The following KIF26B variants were observed in gnomAD, a reference collection of about 807,000 sequenced individuals.
KIF26B encodes kinesin-like protein KIF26B.
KIF26B carries 63 observed loss-of-function variants against 151.2 expected under a neutral mutation model. That is an observed-to-expected ratio of 0.42 (90% CI 0.34 to 0.51). The LOEUF (loss-of-function observed/expected upper bound fraction) is 0.51, where lower values mean the gene tolerates loss of function less well. Ranked by LOEUF, KIF26B falls within the 20% of genes least tolerant of loss-of-function variation. The pLI is 0.07. For synonymous variants in KIF26B, 1,357 were observed against 1,262.1 expected (o/e 1.08, Z -1.59); for missense variants, 2,813 against 2,913.6 (o/e 0.97, Z 0.79).
intron 2 of KIF26B, among the ~76,000 whole-genome samples, chr1:245,255,562 C>T (rs138333591): frequency 1.1e-4 from 16 of 152,144 alleles, no homozygotes; most frequent in African/African-American, 2.9e-4. Flanking sequence ...TTGCTTGGTA[C>T]GATTACACAG....
intron 5 of KIF26B, among the ~76,000 whole-genome samples, chr1:245,594,792 T>A (rs1715796): frequency 0.61 from 92,845 of 152,060 alleles, 28,772 homozygotes; most frequent in East Asian, 0.71. Context: ...GTTTCTTCCT[T>A]TCCATAAGCA....
chr1:245,457,725 T>C (rs1220383523), intron 4 of KIF26B, among the ~76,000 whole-genome samples: 1 of 152,238 alleles, frequency 6.6e-6, no homozygotes, highest in East Asian at 1.9e-4. Flanking sequence ...TCTTTTCTCA[T>C]TCAATATTAT....
intron 4 of KIF26B, among the ~76,000 whole-genome samples, chr1:245,439,346 CAAAAAAA>C (rs777808376): frequency 1.5e-5 from 2 of 131,722 alleles, no homozygotes; most frequent in African/African-American, 2.9e-5. Flanking sequence ...GACCCTGTCT[CAAAAAAA>C]AAAAAAAAAA....
chr1:245,383,340 G>C (rs1251081223), intron 3 of KIF26B, among the ~76,000 whole-genome samples: 1 of 152,120 alleles, frequency 6.6e-6, no homozygotes, highest in Non-Finnish European at 1.5e-5. Flanking sequence ...TCTGAACACG[G>C]TATCCGTGTG....
chr1:245,310,008 A>G (rs1671636330), intron 2 of KIF26B, among the ~76,000 whole-genome samples: 1 of 147,724 alleles, frequency 6.8e-6, no homozygotes, highest in Non-Finnish European at 1.5e-5. Context: ...CAAACACTCC[A>G]TATGCAAAGA....
At chr1:245,681,020 T>C (rs2044428764) in intron 10 of KIF26B, among the ~76,000 whole-genome samples, 1 of 152,118 alleles carries the variant, frequency 6.6e-6, no homozygotes, top group South Asian at 2.1e-4. Context: ...AGGAAGGCTG[T>C]GATGTGCCTT....
At chr1:245,423,617 G>A (rs1448505414) in intron 4 of KIF26B, among the ~76,000 whole-genome samples, 5 of 152,116 alleles carry the variant, frequency 3.3e-5, no homozygotes, top group Non-Finnish European at 7.4e-5. Flanking sequence ...ATTTGTTGAA[G>A]ATTTGAAGCA....
intron 3 of KIF26B, among the ~76,000 whole-genome samples, chr1:245,374,983 C>T (rs581232): frequency 0.46 from 69,608 of 152,002 alleles, 16,723 homozygotes; most frequent in Admixed American, 0.54. Flanking sequence ...ACGATGCCCA[C>T]ACCCTAATCC....
intron 10 of KIF26B, among the ~76,000 whole-genome samples, chr1:245,651,516 G>A (rs186809600): frequency 5.8e-4 from 86 of 148,618 alleles, no homozygotes; most frequent in African/African-American, 2.0e-3. Context: ...CTCAGAACTG[G>A]AAACCCAGTA....
rs534317559 is a variant in KIF26B, at chr1:245,345,148, A to T, written c.466-21686A>T. ...CATATTTGAATGTCATGTTTGGGCC[A>T]TAGGCGCAAGTGAGGAGATGCTCAC... On this transcript the variant is annotated intron_variant, in intron 2 of 14. Transcript: ENST00000407071. Among the ~76,000 whole-genome samples the T allele has an allele frequency of 3.3e-5, 5 of 152,312 alleles. 1 individual carries two copies. The highest frequency in any genetic ancestry group is 1.2e-4 in the African/African-American group (5 of 41,582).
intron 2 of KIF26B, among the ~76,000 whole-genome samples, chr1:245,365,855 A>G (rs73133001): frequency 0.034 from 5,196 of 152,092 alleles, 269 homozygotes; most frequent in African/African-American, 0.11. Context: ...TCACTGCAGA[A>G]CTCCAAGGTC....
At chr1:245,646,349 T>TCTGTGGAGAGGTGTGCCAC (rs1445725438) in intron 10 of KIF26B, 69 bp downstream of exon 10, 2 of 1,532,640 alleles carry the variant, frequency 1.3e-6, no homozygotes, top group African/African-American at 1.4e-5. Flanking sequence ...TTCAGTGCCA[T>TCTGTGGAGAGGTGTGCCAC]CTGTGGAGAG....
At position 245,516,005 on chromosome 1, in the gene KIF26B, G is replaced by A. The variant is rs991896277; in HGVS notation, c.1167-24762G>A. On this transcript the variant is annotated intron_variant, in intron 4 of 14. Transcript: ENST00000407071. The surrounding 1 kb of genome is among the most constrained non-coding windows in gnomAD (Gnocchi z 4.2). ...GCATCTGACAAAGCTGGGTTTGGAC[G>A]ATAGCCTCATACTTGGGTTTCTGTT... Among the ~76,000 whole-genome samples the A allele has an allele frequency of 1.6e-4, 25 of 152,132 alleles. No homozygotes were observed. Among genetic ancestry groups the A allele is most frequent in the African/African-American group, 5.8e-4 (24 of 41,430 alleles).
At chr1:245,438,507 C>T (rs1440783210) in intron 4 of KIF26B, among the ~76,000 whole-genome samples, 1 of 152,144 alleles carries the variant, frequency 6.6e-6, no homozygotes, top group Non-Finnish European at 1.5e-5. Flanking sequence ...TGAGTTTTCA[C>T]TCTTATACCA....
intron 5 of KIF26B, among the ~76,000 whole-genome samples, chr1:245,598,584 T>C (rs549040486): frequency 6.6e-6 from 1 of 152,222 alleles, no homozygotes; most frequent in East Asian, 1.9e-4. Flanking sequence ...CTGCTCCTCC[T>C]CAGCCTCCAG....
chr1:245,562,371 C>T (rs943789785), intron 5 of KIF26B, among the ~76,000 whole-genome samples: 1 of 152,118 alleles, frequency 6.6e-6, no homozygotes, highest in Non-Finnish European at 1.5e-5. Flanking sequence ...CCTCACATTG[C>T]TTAAAAGGGG....
intron 3 of KIF26B, among the ~76,000 whole-genome samples, chr1:245,390,921 CAAAAAAAAAA>C (rs796799193): frequency 0.01 from 138 of 13,446 alleles, 1 homozygote; most frequent in Non-Finnish European, 0.013. Context: ...GACCCTGTCT[CAAAAAAAAAA>C]AAAAAAAAAA....
intron 5 of KIF26B, among the ~76,000 whole-genome samples, chr1:245,541,767 C>T (rs1018532932): frequency 6.6e-6 from 1 of 151,580 alleles, no homozygotes; most frequent in Non-Finnish European, 1.5e-5. Flanking sequence ...CGTTGCTAGT[C>T]TTGCTGAAGC....
intron 9 of KIF26B, among the ~76,000 whole-genome samples, chr1:245,645,892 T>C (rs995394429): frequency 4.6e-5 from 7 of 152,232 alleles, no homozygotes; most frequent in African/African-American, 1.4e-4. Context: ...GTAGTGTGAA[T>C]GTCAGTAGGC....
Sources: gnomAD v4.1 joint callset for allele counts (sites outside exome capture counted in the v4.1 genomes callset) on GRCh38, gnomAD v4.1.1 for gene constraint, Gnocchi (gnomAD v3.1) non-coding constraint, MANE v1.5 for transcripts, NCBI Gene and HGNC (gene_info 2026-07-23, HGNC 2026-07-21) for gene names.